OR51B5: variants seen among roughly 807,000 people sequenced by gnomAD.
The protein encoded by OR51B5 is olfactory receptor 51B5.
For synonymous variants in OR51B5, 186 were observed against 144.8 expected, an observed-to-expected ratio of 1.28 and a Z score of -2.04; for missense variants, 456 against 374.6, an observed-to-expected ratio of 1.22 and a Z score of -1.79.
chr11:5,469,724 C>T (rs969983824), intron 1 of OR51B5, among the ~76,000 whole-genome samples: 5 of 152,098 alleles, frequency 3.3e-5, no homozygotes, highest in Admixed American at 6.5e-5. Context: ...CATTGGTTGA[C>T]GTCTTTCTCT....
chr11:5,358,903 T>G (rs1211129216), intron 1 of OR51B5, among the ~76,000 whole-genome samples: 379 of 151,674 alleles, frequency 2.5e-3, no homozygotes, highest in Middle Eastern at 0.01. Context: ...CACATGATTA[T>G]CTCAATAGAT....
At position 5,447,400 on chromosome 11, in the gene OR51B5, G is replaced by C. The variant is rs536013958; in HGVS notation, n.84+58169C>G. On this transcript the variant is annotated intron_variant and non_coding_transcript_variant, in intron 1 of 4. Transcript: ENST00000415970. ...ACTGGTTGGGCTCACTTTGGCTGTA[G>C]TTCTAGTAACCCCACCTTTGGCTTT... Among the ~76,000 whole-genome samples, 3 of 152,270 alleles carry C rather than the reference G, an allele frequency of 2.0e-5. No individual in the cohort carries two copies. In the South Asian group the frequency reaches 6.2e-4, roughly 32 times the overall value.
At chr11:5,407,846 T>A (rs1850082144) in intron 1 of OR51B5, among the ~76,000 whole-genome samples, 1 of 152,126 alleles carries the variant, frequency 6.6e-6, no homozygotes, top group African/African-American at 2.4e-5. Flanking sequence ...ATATATTTCC[T>A]CTCTGCCATT....
chr11:5,485,505 T>C (rs1257798126), intron 1 of OR51B5, among the ~76,000 whole-genome samples: 1 of 152,158 alleles, frequency 6.6e-6, no homozygotes, highest in African/African-American at 2.4e-5. Flanking sequence ...TCACCAGCAA[T>C]GTGATTTCTC....
intron 1 of OR51B5, chr11:5,441,213 AC>A (rs1850683686): frequency 6.2e-7 from 1 of 1,613,904 alleles, no homozygotes; most frequent in Non-Finnish European, 8.5e-7. Flanking sequence ...GAACATCTGG[AC>A]CAGGCAAGCA....
chr11:5,431,821 T>C (rs1355223211), intron 1 of OR51B5, among the ~76,000 whole-genome samples: 1 of 152,216 alleles, frequency 6.6e-6, no homozygotes. Context: ...GAATCCTAAA[T>C]GTTACTTGGA....
In OR51B5 at chr11:5,440,744, T is replaced by C. The variant is rs11037443; in HGVS notation, n.84+64825A>G. 80 of 1,613,940 alleles carry C rather than the reference T, an allele frequency of 5.0e-5. 1 individual carries two copies. In the East Asian group the frequency reaches 1.7e-3, roughly 35 times the overall value. On this transcript the variant is annotated intron_variant and non_coding_transcript_variant, in intron 1 of 4. Transcript: ENST00000415970. Reference sequence around the variant, plus strand: ...AGCGGTGAATCATGGAGACAGCAATTATGGGCACATAAAAGGCCAGCACTG... The same window carrying C: ...AGCGGTGAATCATGGAGACAGCAATCATGGGCACATAAAAGGCCAGCACTG...
intron 1 of OR51B5, among the ~76,000 whole-genome samples, chr11:5,478,173 T>C (rs1479012138): frequency 5.7e-4 from 86 of 151,930 alleles, no homozygotes; most frequent in South Asian, 1.7e-3. Flanking sequence ...TGAGAACGGG[T>C]AGACTGCCTC....
intron 1 of OR51B5, among the ~76,000 whole-genome samples, chr11:5,435,335 C>T (rs976297368): frequency 4.6e-5 from 7 of 152,190 alleles, no homozygotes; most frequent in Non-Finnish European, 1.0e-4. Context: ...GACTCAGAGA[C>T]ATAATAATCT....
chr11:5,416,894 C>G (rs949756658), intron 1 of OR51B5, among the ~76,000 whole-genome samples: 1 of 151,994 alleles, frequency 6.6e-6, no homozygotes, highest in African/African-American at 2.4e-5. Context: ...ATCAAGCTAA[C>G]AATGTCTTTC....
At chr11:5,351,234 T>C (rs148089118) in intron 1 of OR51B5, among the ~76,000 whole-genome samples, 548 of 152,330 alleles carry the variant, frequency 3.6e-3, no homozygotes, top group Middle Eastern at 0.01. Context: ...TACAATGAAT[T>C]CAACAATGTT....
chr11:5,477,343 G>A (rs891295846), intron 1 of OR51B5, among the ~76,000 whole-genome samples: 1 of 152,316 alleles, frequency 6.6e-6, no homozygotes, highest in Admixed American at 6.5e-5. Context: ...GAGCACCTCA[G>A]TGGGGAACCA....
chr11:5,435,509 GTC>G (rs1564812459), intron 1 of OR51B5, among the ~76,000 whole-genome samples: 2 of 76,184 alleles, frequency 2.6e-5, no homozygotes, highest in Non-Finnish European at 7.2e-5. Context: ...GTTTTTGTTT[GTC>G]TGTTATCACT....
chr11:5,398,127 A>G (rs1211454976), intron 1 of OR51B5, among the ~76,000 whole-genome samples: 1 of 152,200 alleles, frequency 6.6e-6, no homozygotes, highest in African/African-American at 2.4e-5. Context: ...GGTGCAGCAC[A>G]CCAACATGGC....
At chr11:5,468,044 T>A (rs1851164204) in intron 1 of OR51B5, among the ~76,000 whole-genome samples, 1 of 152,274 alleles carries the variant, frequency 6.6e-6, no homozygotes, top group Admixed American at 6.5e-5. Context: ...GTCACAGCTA[T>A]TACATATCTT....
chr11:5,418,546 G>T (rs569668161), intron 1 of OR51B5, among the ~76,000 whole-genome samples: 1 of 152,042 alleles, frequency 6.6e-6, no homozygotes, highest in Non-Finnish European at 1.5e-5. Context: ...ATACTACGCC[G>T]CCATGAAAAG....
At chr11:5,439,786 T>A (rs1193472103) in intron 1 of OR51B5, among the ~76,000 whole-genome samples, 1 of 152,136 alleles carries the variant, frequency 6.6e-6, no homozygotes, top group Non-Finnish European at 1.5e-5. Flanking sequence ...CTGAGTGCTG[T>A]CAGAAAAGAG....
chr11:5,352,916 AAT>A (rs1425545200), intron 1 of OR51B5, among the ~76,000 whole-genome samples: 5 of 148,304 alleles, frequency 3.4e-5, no homozygotes, highest in African/African-American at 1.2e-4. Flanking sequence ...TATATGAACC[AAT>A]TATATATATA....
chr11:5,368,085 C>G (rs982815577), intron 1 of OR51B5, among the ~76,000 whole-genome samples: 1 of 152,202 alleles, frequency 6.6e-6, no homozygotes, highest in Non-Finnish European at 1.5e-5. Flanking sequence ...CAGGCTCACT[C>G]AGAACTCTCT....
Sources: gnomAD v4.1 joint callset for allele counts (sites outside exome capture counted in the v4.1 genomes callset) on GRCh38, gnomAD v4.1.1 for gene constraint, MANE v1.5 for transcripts, NCBI Gene and HGNC (gene_info 2026-07-23, HGNC 2026-07-21) for gene names.